Variants in ERBIN observed in about 807,000 individuals in gnomAD.
ERBIN encodes the protein erbb2 interacting protein, also known as densin-180-like protein.
In ERBIN, 60 loss-of-function variants were observed where a neutral mutation model predicts 158.4. The observed-to-expected ratio is 0.38, with a 90% CI of 0.31 to 0.47. ERBIN has a LOEUF of 0.47. Among genes scored for constraint, ERBIN ranks in the 20% least tolerant of loss-of-function variants. The probability of loss-of-function intolerance (pLI) is 0.99; values close to 1 mark genes in which losing one functional copy is unlikely to be tolerated. For missense variants in ERBIN, 1,610 were observed against 1,648.0 expected, an observed-to-expected ratio of 0.98 and a Z score of 0.40; for synonymous variants, 594 against 557.2, an observed-to-expected ratio of 1.07 and a Z score of -0.93.
intron 17 of ERBIN, among the ~76,000 whole-genome samples, chr5:66,045,336 A>G (rs1758323897): frequency 6.6e-6 from 1 of 152,110 alleles, no homozygotes; most frequent in Admixed American, 6.5e-5. Flanking sequence ...TTGTGTTAGA[A>G]TTGCCTATAG....
At chr5:66,051,908 A>AAG (rs1554065268) in intron 20 of ERBIN, among the ~76,000 whole-genome samples, 3 of 146,140 alleles carry the variant, frequency 2.1e-5, no homozygotes, top group Non-Finnish European at 3.0e-5. Context: ...AAAAAAAAAA[A>AAG]GAGACAGATT....
intron 4 of ERBIN, among the ~76,000 whole-genome samples, chr5:66,000,566 A>G (rs892961461): frequency 6.6e-6 from 1 of 152,166 alleles, no homozygotes; most frequent in Admixed American, 6.5e-5. Context: ...TAGGAAAAGT[A>G]CTTAACTGTT....
intron 1 of ERBIN, among the ~76,000 whole-genome samples, chr5:65,958,503 C>T (rs762090333): frequency 6.6e-6 from 1 of 152,126 alleles, no homozygotes; most frequent in African/African-American, 2.4e-5. Flanking sequence ...CGCCTGCAAT[C>T]GCAGGCACTG....
chr5:66,050,467 G>A (rs186220053), intron 19 of ERBIN, among the ~76,000 whole-genome samples: 576 of 6,684 alleles, frequency 0.086, 201 homozygotes, highest in East Asian at 0.34. Flanking sequence ...GGATGGCCTC[G>A]ATCTCCTGAC....
chr5:65,994,247 C>G (rs1752184823), intron 3 of ERBIN, among the ~76,000 whole-genome samples: 1 of 152,062 alleles, frequency 6.6e-6, no homozygotes, highest in Non-Finnish European at 1.5e-5. Context: ...TATAGAGGAC[C>G]AAAATTTGTC....
intron 21 of ERBIN, among the ~76,000 whole-genome samples, chr5:66,062,114 T>G (rs1380507428): frequency 6.7e-6 from 1 of 150,184 alleles, no homozygotes; most frequent in Non-Finnish European, 1.5e-5. Context: ...TGGTTAGTTC[T>G]CCTGGATAAT....
At chr5:66,003,050 T>G (rs1561358407) in intron 4 of ERBIN, among the ~76,000 whole-genome samples, 2 of 152,228 alleles carry the variant, frequency 1.3e-5, no homozygotes, top group African/African-American at 2.4e-5. Flanking sequence ...ATTTGTTGTG[T>G]TATATCTGGT....
At chr5:66,044,659 G>A (rs1758236288) in intron 17 of ERBIN, among the ~76,000 whole-genome samples, 1 of 152,106 alleles carries the variant, frequency 6.6e-6, no homozygotes, top group African/African-American at 2.4e-5. Flanking sequence ...CAGCTACTTG[G>A]GAGGCTGAGG....
chr5:65,985,530 A>G (rs1051266249), intron 1 of ERBIN, among the ~76,000 whole-genome samples: 1 of 152,200 alleles, frequency 6.6e-6, no homozygotes, highest in African/African-American at 2.4e-5. Flanking sequence ...ATTACAGCCA[A>G]GATTTGTTTT....
At chr5:66,047,588 C>T (rs530637421) in intron 18 of ERBIN, among the ~76,000 whole-genome samples, 11 of 152,114 alleles carry the variant, frequency 7.2e-5, no homozygotes, top group Admixed American at 5.9e-4. Context: ...TTTATAGCTG[C>T]ATTGTTCACT....
intron 4 of ERBIN, among the ~76,000 whole-genome samples, chr5:65,999,090 T>C (rs1439864935): frequency 6.6e-6 from 1 of 151,970 alleles, no homozygotes; most frequent in East Asian, 1.9e-4. Flanking sequence ...TCTTTTTGGC[T>C]GTGCGTGGTG....
At chr5:65,941,331 AAG>A (rs551447509) in intron 1 of ERBIN, among the ~76,000 whole-genome samples, 75,586 of 128,360 alleles carry the variant, frequency 0.59, 21,535 homozygotes, top group Non-Finnish European at 0.67. Context: ...AAAAAAAAAA[AAG>A]AACAATACAA....
intron 15 of ERBIN, 121 bp from the exon 16 acceptor site, chr5:66,042,956 C>T: frequency 4.3e-6 from 3 of 694,396 alleles, no homozygotes; most frequent in Non-Finnish European, 7.1e-6. Context: ...TTGCATTGAC[C>T]ATTCTTAACT....
At chr5:65,977,192 G>A (rs1284094992) in intron 1 of ERBIN, among the ~76,000 whole-genome samples, 1 of 147,788 alleles carries the variant, frequency 6.8e-6, no homozygotes, top group Non-Finnish European at 1.5e-5. Flanking sequence ...GCCGGGCGGG[G>A]GGCTGACCCC....
intron 1 of ERBIN, among the ~76,000 whole-genome samples, chr5:65,962,469 C>CAG (rs10671310): frequency 0.04 from 6,103 of 152,218 alleles, 411 homozygotes; most frequent in African/African-American, 0.14. Context: ...AGAGAAGAAA[C>CAG]TGAATTTGTA....
chr5:66,063,587 G>A (rs1760685836), intron 21 of ERBIN, among the ~76,000 whole-genome samples: 1 of 152,112 alleles, frequency 6.6e-6, no homozygotes, highest in Admixed American at 6.5e-5. Flanking sequence ...GATGAACCCG[G>A]TACCTCAGTT....
At chr5:66,024,536 T>A in intron 10 of ERBIN, 86 bp downstream of exon 10, 1 of 1,306,772 alleles carries the variant, frequency 7.7e-7, no homozygotes, top group South Asian at 1.4e-5. Context: ...TGTTATGAGG[T>A]AGTTATACTT....
intron 5 of ERBIN, among the ~76,000 whole-genome samples, chr5:66,013,012 C>T (rs1448254617): frequency 6.6e-6 from 1 of 152,102 alleles, no homozygotes; most frequent in East Asian, 1.9e-4. Flanking sequence ...TTGGCAGTTT[C>T]TGGATACATT....
chr5:66,023,573 T>C (rs1424181137), intron 9 of ERBIN, among the ~76,000 whole-genome samples: 1 of 152,210 alleles, frequency 6.6e-6, no homozygotes, highest in African/African-American at 2.4e-5. Flanking sequence ...CTTTTAATAC[T>C]GTTGAGTGTG....
Sources: allele counts gnomAD v4.1 joint callset (sites outside exome capture counted in the v4.1 genomes callset), GRCh38; gene constraint gnomAD v4.1.1; transcripts MANE v1.5; gene names NCBI Gene and HGNC (gene_info 2026-07-23, HGNC 2026-07-21).